The following R3HDM1 variants were observed in gnomAD, a reference collection of about 807,000 sequenced individuals.
R3HDM1 encodes R3H domain containing 1.
A neutral mutation model predicts 141.1 loss-of-function variants in R3HDM1; 46 were observed. The observed-to-expected ratio is 0.33, with a 90% CI of 0.26 to 0.42. The LOEUF (loss-of-function observed/expected upper bound fraction) is 0.42, where lower values mean the gene tolerates loss of function less well. Among genes scored for constraint, R3HDM1 ranks in the 10% least tolerant of loss-of-function variants. The pLI, the probability that R3HDM1 is intolerant of heterozygous loss-of-function variation, is 1.00. For synonymous variants in R3HDM1, 435 were observed against 472.9 expected (o/e 0.92, Z 1.04); for missense variants, 1,184 against 1,368.3 (o/e 0.87, Z 2.12).
intron 16 of R3HDM1, among the ~76,000 whole-genome samples, chr2:135,646,371 G>A (rs2064416947): frequency 6.6e-6 from 1 of 150,836 alleles, no homozygotes; most frequent in Non-Finnish European, 1.5e-5. Flanking sequence ...TCCTGACCTC[G>A]TGATCCACCC....
At chr2:135,552,015 T>C (rs1036487955) in intron 1 of R3HDM1, among the ~76,000 whole-genome samples, 1 of 152,208 alleles carries the variant, frequency 6.6e-6, no homozygotes, top group Non-Finnish European at 1.5e-5. Context: ...AAATTATCCA[T>C]CATATAAATG....
intron 23 of R3HDM1, among the ~76,000 whole-genome samples, chr2:135,714,781 A>ACACACACACACACC (rs2075998761): frequency 6.6e-6 from 1 of 151,864 alleles, no homozygotes. Context: ...ACACACACAC[A>ACACACACACACACC]CACACACACA....
chr2:135,714,764 T>TACACACAC (rs144894901), intron 23 of R3HDM1, among the ~76,000 whole-genome samples: 65 of 146,858 alleles, frequency 4.4e-4, no homozygotes, highest in African/African-American at 1.5e-3. Flanking sequence ...TATGGGTGTA[T>TACACACAC]ACACACACAC....
chr2:135,615,855 T>C (rs192240316), intron 3 of R3HDM1, among the ~76,000 whole-genome samples: 3 of 152,320 alleles, frequency 2.0e-5, no homozygotes, highest in Admixed American at 2.0e-4. Context: ...TACCAAGAAG[T>C]CACCATATAA....
At chr2:135,664,294 C>G (rs1485273545) in intron 19 of R3HDM1, among the ~76,000 whole-genome samples, 1 of 152,014 alleles carries the variant, frequency 6.6e-6, no homozygotes, top group Non-Finnish European at 1.5e-5. Context: ...TTTTTCATAT[C>G]TCTTATATTT....
At chr2:135,567,902 G>A (rs1703155468) in intron 1 of R3HDM1, among the ~76,000 whole-genome samples, 1 of 127,766 alleles carries the variant, frequency 7.8e-6, no homozygotes, top group Non-Finnish European at 1.6e-5. Flanking sequence ...ACCACACCTG[G>A]CTTTTTTTTT....
In R3HDM1 at chr2:135,653,408, A is replaced by C. The variant is rs117348604; in HGVS notation, c.2028+1376A>C. Reference sequence around the variant, plus strand: ...TTATGATTTTATTTTCAGTGATTTTAGATTTTTCTTCTAATAGAAGTTTTT... The same window carrying C: ...TTATGATTTTATTTTCAGTGATTTTCGATTTTTCTTCTAATAGAAGTTTTT... On this transcript the variant is annotated intron_variant, in intron 18 of 26. Transcript: ENST00000683871. Among the ~76,000 whole-genome samples the C allele has an allele frequency of 2.4e-4, 37 of 152,200 alleles. No individual in the cohort carries two copies. The East Asian group carries it at 6.8e-3, about 28-fold the overall frequency.
chr2:135,556,909 A>C lies in R3HDM1; in HGVS notation c.-250+25276A>C, dbSNP rs1573761717. On this transcript the variant is annotated intron_variant, in intron 1 of 26. Coordinates refer to ENST00000683871, the MANE Select transcript of R3HDM1 (RefSeq NM_001378107.1). ...TCTGCTTAGATTCTCTAGGTCTTAC[A>C]ACTTTATCAGCTACCTGTTTACCTA... Among the ~76,000 whole-genome samples, 5 of 152,200 alleles carry C rather than the reference A, an allele frequency of 3.3e-5. No homozygotes were observed. The South Asian group carries it at 1.0e-3, about 31-fold the overall frequency.
Position 135,641,758 on chromosome 2 carries a change from C to T in R3HDM1, c.1442C>T (p.Pro481Leu), listed in dbSNP as rs1458030154. 8 of 1,614,030 alleles carry T rather than the reference C, an allele frequency of 5.0e-6. No individual in the cohort carries two copies. Among genetic ancestry groups the T allele is most frequent in the Non-Finnish European group, 6.8e-6 (8 of 1,179,956 alleles). ...FLLPLEAAGI[P>L]PGSILINPQT... Reference sequence around the variant, plus strand: ...CTTCCCTTGGAAGCGGCAGGCATACCACCTGGCAGTATTCTGATCAACCCA... The same window carrying T: ...CTTCCCTTGGAAGCGGCAGGCATACTACCTGGCAGTATTCTGATCAACCCA... The change falls in exon 15 of 27, where the codon CCA becomes CTA. Residue 481 changes from proline (P) to leucine (L), a missense_variant. Physicochemically the swap from Pro to Leu is moderately conservative, Grantham distance 98 (BLOSUM62 -3). Coordinates refer to ENST00000683871, the MANE Select transcript of R3HDM1 (RefSeq NM_001378107.1).
At chr2:135,610,584 G>A (rs2060450800) in intron 3 of R3HDM1, among the ~76,000 whole-genome samples, 1 of 152,162 alleles carries the variant, frequency 6.6e-6, no homozygotes, top group African/African-American at 2.4e-5. Context: ...AGAAAGCAAT[G>A]AATCTAATAA....
At position 135,715,632 on chromosome 2, in the gene R3HDM1, G is replaced by C; in HGVS notation, c.2819G>C (p.Arg940Pro). The C allele has an allele frequency of 6.2e-7, 1 of 1,613,826 alleles. No individual in the cohort carries two copies. Among genetic ancestry groups the C allele is most frequent in the Non-Finnish European group, 8.5e-7 (1 of 1,179,896 alleles). The change falls in exon 24 of 27, where the codon CGT (arginine) becomes CCT (proline). Residue 940 changes from arginine (R) to proline (P), a missense_variant. Arg to Pro is a moderately radical substitution (Grantham distance 103). Around this residue, in one of 5 missense-constraint regions of R3HDM1, gnomAD observed 182 missense variants for 252.6 expected, o/e 0.72. Coordinates refer to ENST00000683871, the MANE Select transcript of R3HDM1 (RefSeq NM_001378107.1). Reference protein sequence around the residue: ...PAQLSTLKTVRPSGPPLSIMP... With the variant: ...PAQLSTLKTVPPSGPPLSIMP... The stretch of plus-strand genomic sequence containing the variant: ...CAGCTGTCCACCCTGAAAACTGTAC[G>C]TCCCTCTGGACCACCACTTTCCATC...
intron 1 of R3HDM1, chr2:135,561,462 A>G (rs1159795321): frequency 6.8e-6 from 4 of 584,972 alleles, no homozygotes; most frequent in Non-Finnish European, 2.2e-6. Flanking sequence ...CACACTTGAA[A>G]TCCCAGCGCT....
At chr2:135,628,829 T>A (rs1015231826) in intron 7 of R3HDM1, among the ~76,000 whole-genome samples, 5 of 152,096 alleles carry the variant, frequency 3.3e-5, no homozygotes, top group Admixed American at 3.3e-4. Flanking sequence ...TTTCTCCGTG[T>A]TGGTCAGGCT....
At chr2:135,691,830 T>G (rs2072436406) in intron 21 of R3HDM1, among the ~76,000 whole-genome samples, 1 of 151,928 alleles carries the variant, frequency 6.6e-6, no homozygotes, top group Non-Finnish European at 1.5e-5. Flanking sequence ...ATATCTGGAG[T>G]TAAATAGTAA....
chr2:135,699,105 T>TAGATAGATA (rs1332113353), intron 21 of R3HDM1, among the ~76,000 whole-genome samples: 3,759 of 73,352 alleles, frequency 0.051, 174 homozygotes, highest in African/African-American at 0.12. Flanking sequence ...ATAGATAGAT[T>TAGATAGATA]AGATATTCCA....
intron 7 of R3HDM1, among the ~76,000 whole-genome samples, chr2:135,629,223 G>A (rs960677723): frequency 2.0e-5 from 3 of 152,090 alleles, no homozygotes; most frequent in Admixed American, 1.3e-4. Flanking sequence ...AGCTGAGGCA[G>A]GAGAATCGCT....
In R3HDM1 at chr2:135,616,666, A is replaced by G; in HGVS notation, c.214-2A>G. The G allele has an allele frequency of 6.3e-7, 1 of 1,594,292 alleles. No homozygotes were observed. Among genetic ancestry groups the G allele is most frequent in the Non-Finnish European group, 8.6e-7 (1 of 1,165,114 alleles). On this transcript the variant is annotated splice_acceptor_variant, in intron 4 of 26. Transcript: ENST00000683871. LOFTEE classifies it high-confidence loss of function. ...GTGTTAATTATAAATACTTCTCTTT[A>G]GTCAAGCTCAAAGTTAAAGCTAGTT...
At chr2:135,548,955 C>G (rs1214315443) in intron 1 of R3HDM1, among the ~76,000 whole-genome samples, 1 of 152,092 alleles carries the variant, frequency 6.6e-6, no homozygotes, top group Non-Finnish European at 1.5e-5. Flanking sequence ...TTTGTTAATA[C>G]AAAATTCAGT....
intron 17 of R3HDM1, chr2:135,650,688 A>G: frequency 1.0e-6 from 1 of 983,886 alleles, no homozygotes; most frequent in South Asian, 4.7e-5. Context: ...AATAGTGTTA[A>G]AGTGTCAAAG....
Sources: allele counts gnomAD v4.1 joint callset (sites outside exome capture counted in the v4.1 genomes callset), GRCh38; gene constraint gnomAD v4.1.1; regional missense constraint gnomAD v4.1.1; transcripts MANE v1.5; gene names NCBI Gene and HGNC (gene_info 2026-07-23, HGNC 2026-07-21).